FCGR2B: variants seen among roughly 807,000 people sequenced by gnomAD.
FCGR2B encodes the protein low affinity immunoglobulin gamma Fc region receptor II-b.
Under a neutral mutation model 24.8 loss-of-function variants are expected in FCGR2B, and 18 were observed. The observed-to-expected ratio is 0.73, with a 90% confidence interval of 0.50 to 1.08. The LOEUF (loss-of-function observed/expected upper bound fraction) is 1.08. Among genes scored for constraint, FCGR2B ranks in the 50% least tolerant of loss-of-function variants. FCGR2B has a pLI of 0.00. For missense variants in FCGR2B, 215 were observed against 297.6 expected (o/e 0.72, Z 2.04); for synonymous variants, 79 against 109.8 (o/e 0.72, Z 1.75).
the FCGR2B span, among the ~76,000 whole-genome samples, chr1:161,654,896 A>G: frequency 1.5e-5 from 2 of 137,352 alleles, no homozygotes; most frequent in African/African-American, 4.9e-5. Flanking sequence ...TCTAATTAAT[A>G]CAGGTTTTTT....
At position 161,677,789 on chromosome 1, in the gene FCGR2B, C is replaced by T; in HGVS notation, c.*236C>T. 1 of 501,786 alleles carries T rather than the reference C, an allele frequency of 2.0e-6. No homozygotes were observed. 31.1% of individuals were successfully genotyped at this position (501,786 alleles called of 1,614,324 possible). On this transcript the variant is annotated 3_prime_UTR_variant, in exon 8 of 8. Transcript: ENST00000358671. ...TTCAGCTCTTCTTGACATCAAGGCT[C>T]TTCCGTTCCACATCCACACAGCCAA...
At chr1:161,661,230 GAA>G (rs1557895057), upstream of FCGR2B, among the ~76,000 whole-genome samples, 13 of 71,682 alleles carry the variant, frequency 1.8e-4, no homozygotes, top group Admixed American at 2.7e-4. Context: ...AAGAAAGAAA[GAA>G]AGAAAGAAAG....
Position 161,671,379 on chromosome 1 carries a change from C to T in FCGR2B, c.134-13C>T. On this transcript the variant is annotated splice_polypyrimidine_tract_variant and intron_variant, in intron 2 of 7. Transcript: ENST00000358671. ...TCCTCTTCTTCATGCTACCTCCTCT[C>T]TCTGCCCCTCAGCAGCTCCCCCAAA... 5 of 1,614,186 alleles carry T rather than the reference C, an allele frequency of 3.1e-6. No individual in the cohort carries two copies. The highest frequency in any genetic ancestry group is 4.2e-6 in the Non-Finnish European group (5 of 1,180,040).
rs746859033 is a variant in FCGR2B, at chr1:161,671,421, G to C, written c.163G>C (p.Glu55Gln). ...TCCCCCAAAGGCTGTGCTGAAACTCGAGCCCCAGTGGATCAACGTGCTCCA... is the reference window on the plus strand; with the variant it reads ...TCCCCCAAAGGCTGTGCTGAAACTCCAGCCCCAGTGGATCAACGTGCTCCA... ...AAPPKAVLKL[E>Q]PQWINVLQED... The change falls in exon 3 of 8, where the codon GAG (glutamate) becomes CAG (glutamine). Residue 55 changes from glutamate to glutamine, a missense_variant. Physicochemically the swap from Glu to Gln is conservative, Grantham distance 29. This residue lies in a region of FCGR2B where 77 missense variants were observed against 68.8 expected (regional missense o/e 1.12). Coordinates refer to ENST00000358671, the MANE Select transcript of FCGR2B (RefSeq NM_001394477.1). The C allele has an allele frequency of 1.5e-5, 25 of 1,613,964 alleles. No individual in the cohort carries two copies. Among genetic ancestry groups the C allele is most frequent in the African/African-American group, 5.3e-5 (4 of 74,858 alleles).
Position 161,671,713 on chromosome 1 carries a change from G to A in FCGR2B, c.391+64G>A, listed in dbSNP as rs559290315. 1.5e-5 allele frequency: 24 copies of A among 1,604,266 alleles called. No homozygotes were observed. In the South Asian group the frequency reaches 2.5e-4, roughly 17 times the overall value. ...CAGGACGGATGAAATCTGCTTTCAGGCAGAGGTTTGCAGGAAAGGGGGGTG... is the reference window on the plus strand; with the variant it reads ...CAGGACGGATGAAATCTGCTTTCAGACAGAGGTTTGCAGGAAAGGGGGGTG... On this transcript the variant is annotated intron_variant, in intron 3 of 7. Coordinates refer to ENST00000358671, the MANE Select transcript of FCGR2B (RefSeq NM_001394477.1).
the FCGR2B span, among the ~76,000 whole-genome samples, chr1:161,647,250 A>C: frequency 2.7e-5 from 4 of 149,266 alleles, no homozygotes; most frequent in African/African-American, 1.0e-4. Context: ...AGAGCAGACC[A>C]AGTGGCTTAA....
At chr1:161,671,185 G>A (rs1252812395) in intron 2 of FCGR2B, among the ~76,000 whole-genome samples, 2 of 152,112 alleles carry the variant, frequency 1.3e-5, no homozygotes, top group African/African-American at 2.4e-5. Context: ...CTTCCCTGTT[G>A]CCCTGTCGGA....
At chr1:161,671,297 A>T (rs998819128) in intron 2 of FCGR2B, 95 bp from the exon 3 acceptor site, 3 of 1,590,942 alleles carry the variant, frequency 1.9e-6, no homozygotes, top group Admixed American at 3.5e-5. Flanking sequence ...TGGTGCCCCT[A>T]GTAGGCCTAC....
intron 5 of FCGR2B, 164 bp from the exon 6 acceptor site, chr1:161,675,093 G>T (rs12410121): frequency 1.8e-6 from 1 of 562,438 alleles, no homozygotes; most frequent in Non-Finnish European, 3.2e-6. Flanking sequence ...CCCTTTTCCA[G>T]GCGGGAGCAG....
chr1:161,649,827 T>C, the FCGR2B span, among the ~76,000 whole-genome samples: 1 of 149,876 alleles, frequency 6.7e-6, no homozygotes, highest in Non-Finnish European at 1.5e-5. Flanking sequence ...TTAAATGACT[T>C]GCCTGAAGGT....
upstream of FCGR2B, among the ~76,000 whole-genome samples, chr1:161,660,834 A>T (rs1419277624): frequency 3.1e-5 from 1 of 31,912 alleles, no homozygotes; most frequent in Non-Finnish European, 6.3e-5. Flanking sequence ...TGGGTGGATC[A>T]CTTGAGGTCA....
chr1:161,671,501 C>T lies in FCGR2B; in HGVS notation c.243C>T (p.Ser81=), dbSNP rs148030870. The change falls in exon 3 of 8, where the codon TCC becomes TCT. Residue 81 remains serine, a synonymous_variant. Coordinates refer to ENST00000358671, the MANE Select transcript of FCGR2B (RefSeq NM_001394477.1). ...CRGTHSPESD[S]IQWFHNGNLI... ...GGACTCACAGCCCTGAGAGCGACTC[C>T]ATTCAGTGGTTCCACAATGGGAATC... is the stretch of plus-strand genomic sequence containing the variant. 1,763 of 1,614,214 alleles carry T rather than the reference C, an allele frequency of 1.1e-3. 51 individuals carry two copies. The East Asian group carries it at 0.031, about 28-fold the overall frequency.
intron 3 of FCGR2B, chr1:161,672,081 G>A (rs1228741744): frequency 3.8e-5 from 8 of 209,396 alleles, no homozygotes; most frequent in Admixed American, 5.3e-5. Flanking sequence ...CCCCCGCCCC[G>A]CCCTCCATGC....
At position 161,669,595 on chromosome 1, in the gene FCGR2B, A is replaced by AAAAT. The variant is rs1258873401; in HGVS notation, c.113-653_113-650dup. ...CCCACAAAATAAAATAAAATAAAAT[A>AAAAT]AAATAAAATAAAATAAAATAAAATA... On this transcript the variant is annotated intron_variant, in intron 1 of 7. Coordinates refer to ENST00000358671, the MANE Select transcript of FCGR2B (RefSeq NM_001394477.1). Among the ~76,000 whole-genome samples the AAAAT allele has an allele frequency of 1.2e-3, 173 of 142,236 alleles. 7 individuals are homozygous for AAAAT. The East Asian group carries it at 0.028, about 23-fold the overall frequency. 93.3% of individuals were successfully genotyped at this position (142,236 alleles called of 152,430 possible).
rs1358823468 is a variant in FCGR2B, at chr1:161,678,423, A to C, written c.*870A>C. On this transcript the variant is annotated 3_prime_UTR_variant, in exon 8 of 8. Coordinates refer to ENST00000358671, the MANE Select transcript of FCGR2B (RefSeq NM_001394477.1). ...AGCATGCTGTACAGGTTTGTAGCCT[A>C]GGGGCAATAGGCTATACGCTACAGC... 1.4e-5 allele frequency: 3 copies of C among 218,158 alleles called. No individual in the cohort carries two copies. The highest frequency in any genetic ancestry group is 2.8e-5 in the Non-Finnish European group (3 of 108,538). The allele number at this position is 218,158 out of a possible 1,614,324, so 13.5% of individuals were successfully genotyped here.
chr1:161,653,514 C>A, the FCGR2B span, among the ~76,000 whole-genome samples: 1 of 141,432 alleles, frequency 7.1e-6, no homozygotes, highest in Non-Finnish European at 1.6e-5. Flanking sequence ...TTTTTTTTTT[C>A]TTATTCTAGC....
the FCGR2B span, among the ~76,000 whole-genome samples, chr1:161,648,556 G>GA: frequency 1.3e-5 from 2 of 150,752 alleles, 1 homozygote; most frequent in African/African-American, 4.9e-5. Flanking sequence ...GCACACTTAC[G>GA]AATTAGCTTA....
chr1:161,673,892 C>G (rs1468705174), intron 4 of FCGR2B, 68 bp from the exon 5 acceptor site: 2 of 447,418 alleles, frequency 4.5e-6, no homozygotes, highest in African/African-American at 4.4e-5. Context: ...AGCACTAGGA[C>G]ATAGCATTGG....
Position 161,677,385 on chromosome 1 carries a change from T to C in FCGR2B, c.855+20T>C. 1 of 1,611,706 alleles carries C rather than the reference T, an allele frequency of 6.2e-7. No homozygotes were observed. Among genetic ancestry groups the C allele is most frequent in the Non-Finnish European group, 8.5e-7 (1 of 1,178,496 alleles). ...GTTGGGGTGAGTGATCCCAGCCATC[T>C]CCCCCTCCCTTCTCCCCTGTTGCCT... On this transcript the variant is annotated intron_variant, in intron 7 of 7. Coordinates refer to ENST00000358671, the MANE Select transcript of FCGR2B (RefSeq NM_001394477.1).
Sources: allele counts gnomAD v4.1 joint callset (sites outside exome capture counted in the v4.1 genomes callset), GRCh38; gene constraint gnomAD v4.1.1; regional missense constraint gnomAD v4.1.1; transcripts MANE v1.5; gene names NCBI Gene and HGNC (gene_info 2026-07-23, HGNC 2026-07-21).